The following FYN variants were observed in gnomAD, a reference collection of about 807,000 sequenced individuals.
FYN encodes tyrosine-protein kinase Fyn.
FYN carries 10 observed loss-of-function variants against 70.2 expected under a neutral mutation model. That is an observed-to-expected ratio of 0.14 (90% confidence interval 0.09 to 0.24). The LOEUF (loss-of-function observed/expected upper bound fraction) is 0.24, where lower values mean the gene tolerates loss of function less well. Ranked by LOEUF, FYN falls within the 10% of genes least tolerant of loss-of-function variation. The pLI is 1.00. For missense variants in FYN, 319 were observed against 673.1 expected, an observed-to-expected ratio of 0.47 and a Z score of 5.82; for synonymous variants, 236 against 248.6, an observed-to-expected ratio of 0.95 and a Z score of 0.48.
intron 4 of FYN, among the ~76,000 whole-genome samples, chr6:111,716,664 A>T (rs1800656754): frequency 6.6e-6 from 1 of 151,592 alleles, no homozygotes; most frequent in Admixed American, 6.6e-5. Flanking sequence ...TAAAAAAAAA[A>T]TTAGTTAAAC....
At chr6:111,725,275 G>A (rs1583366684) in intron 3 of FYN, among the ~76,000 whole-genome samples, 1 of 152,294 alleles carries the variant, frequency 6.6e-6, no homozygotes, top group East Asian at 1.9e-4. Context: ...GGAGCAGAAG[G>A]ACATTCAGAG....
chr6:111,761,139 T>A (rs1321169), intron 3 of FYN, among the ~76,000 whole-genome samples: 48,077 of 152,090 alleles, frequency 0.32, 8,750 homozygotes, highest in East Asian at 0.47. Flanking sequence ...TCAACATACA[T>A]AATACAGAAA....
chr6:111,677,684 T>C (rs1326581685), intron 12 of FYN, among the ~76,000 whole-genome samples: 1 of 152,204 alleles, frequency 6.6e-6, no homozygotes, highest in East Asian at 1.9e-4. Context: ...ATCTCCTGGG[T>C]GTAAACGTTG....
intron 3 of FYN, among the ~76,000 whole-genome samples, chr6:111,751,568 A>T (rs1802489745): frequency 6.6e-6 from 1 of 152,202 alleles, no homozygotes; most frequent in Non-Finnish European, 1.5e-5. Context: ...GTATTCAGAG[A>T]TATTTTAAAT....
chr6:111,679,423 T>A (rs1167519354), intron 12 of FYN, among the ~76,000 whole-genome samples: 1 of 152,298 alleles, frequency 6.6e-6, no homozygotes, highest in East Asian at 1.9e-4. Flanking sequence ...CTGCCCCAGA[T>A]AAATACTGTG....
intron 13 of FYN, among the ~76,000 whole-genome samples, chr6:111,670,251 C>CT (rs1045817454): frequency 2.0e-4 from 30 of 152,264 alleles, no homozygotes; most frequent in African/African-American, 6.3e-4. Context: ...CCATGCTGGC[C>CT]TCCTTTGATT....
intron 8 of FYN, among the ~76,000 whole-genome samples, 155 bp from the exon 9 acceptor site, chr6:111,700,423 A>G (rs773922968): frequency 6.6e-6 from 1 of 151,976 alleles, no homozygotes; most frequent in Non-Finnish European, 1.5e-5. Context: ...GAACACTAGC[A>G]GCACACAGCG....
intron 2 of FYN, among the ~76,000 whole-genome samples, chr6:111,816,134 G>C (rs150526055): frequency 1.3e-5 from 2 of 152,062 alleles, no homozygotes; most frequent in East Asian, 3.9e-4. Context: ...TTACCTTTAT[G>C]ATTTTTTTTA....
At chr6:111,790,982 C>T (rs879332688) in intron 2 of FYN, among the ~76,000 whole-genome samples, 3 of 152,180 alleles carry the variant, frequency 2.0e-5, no homozygotes, top group African/African-American at 7.2e-5. Context: ...CAATTCTCCT[C>T]GCAATTGCAT....
chr6:111,811,861 G>A (rs986731630), intron 2 of FYN, among the ~76,000 whole-genome samples: 1 of 152,140 alleles, frequency 6.6e-6, no homozygotes, highest in Non-Finnish European at 1.5e-5. Flanking sequence ...CGCCTATTGT[G>A]GGCCAAGGAC....
At chr6:111,831,008 T>C (rs912292621) in intron 2 of FYN, among the ~76,000 whole-genome samples, 3 of 152,142 alleles carry the variant, frequency 2.0e-5, no homozygotes, top group Non-Finnish European at 2.9e-5. Context: ...ACACATATCT[T>C]TGGGTCCTTG....
intron 12 of FYN, among the ~76,000 whole-genome samples, chr6:111,678,959 G>C (rs7746279): frequency 2.0e-5 from 3 of 151,800 alleles, no homozygotes; most frequent in Non-Finnish European, 4.4e-5. Context: ...TCTAGTCCTC[G>C]CTTGCTCAGC....
intron 3 of FYN, among the ~76,000 whole-genome samples, chr6:111,780,168 G>T (rs1479513638): frequency 2.0e-5 from 3 of 152,094 alleles, no homozygotes; most frequent in African/African-American, 7.2e-5. Flanking sequence ...TTCCTAAGCT[G>T]CCTGCTTCTC....
intron 12 of FYN, among the ~76,000 whole-genome samples, chr6:111,679,679 C>T (rs983664414): frequency 1.3e-5 from 2 of 152,070 alleles, no homozygotes; most frequent in African/African-American, 4.8e-5. Context: ...GTCTGGATGT[C>T]CTTTTAAGAG....
chr6:111,774,463 G>A (rs1035434303), intron 3 of FYN, among the ~76,000 whole-genome samples: 7 of 152,258 alleles, frequency 4.6e-5, no homozygotes, highest in African/African-American at 1.7e-4. Context: ...GGGCAGGACT[G>A]TTCAAGGCAC....
intron 1 of FYN, among the ~76,000 whole-genome samples, chr6:111,863,125 C>T (rs1008765584): frequency 6.6e-6 from 1 of 152,198 alleles, no homozygotes; most frequent in Non-Finnish European, 1.5e-5. Context: ...CCAGTATCTA[C>T]ATTAGCCGGC....
intron 1 of FYN, among the ~76,000 whole-genome samples, chr6:111,865,365 G>A (rs761539128): frequency 4.6e-5 from 7 of 152,172 alleles, no homozygotes; most frequent in Non-Finnish European, 8.8e-5. Context: ...ATGGGAAAGC[G>A]CTCTCAACCA....
At chr6:111,773,953 G>A (rs1296729394) in intron 3 of FYN, among the ~76,000 whole-genome samples, 2 of 152,032 alleles carry the variant, frequency 1.3e-5, no homozygotes, top group African/African-American at 2.4e-5. Context: ...TAGGTATGAC[G>A]TTTAAGATAA....
chr6:111,858,099 A>G (rs777282589), intron 1 of FYN, among the ~76,000 whole-genome samples: 19 of 152,162 alleles, frequency 1.2e-4, no homozygotes, highest in Non-Finnish European at 2.1e-4. Context: ...CCAAGGGCAT[A>G]AGCAGGACTG....
Sources: allele counts gnomAD v4.1 joint callset (sites outside exome capture counted in the v4.1 genomes callset), GRCh38; gene constraint gnomAD v4.1.1; transcripts MANE v1.5; gene names NCBI Gene and HGNC (gene_info 2026-07-23, HGNC 2026-07-21).